PLCH1: variants seen among roughly 807,000 people sequenced by gnomAD.
PLCH1 encodes the protein 1-phosphatidylinositol 4,5-bisphosphate phosphodiesterase eta-1.
A neutral mutation model predicts 126.7 loss-of-function variants in PLCH1; 60 were observed. The observed-to-expected ratio is 0.47, with a 90% confidence interval of 0.38 to 0.59. PLCH1 has a LOEUF of 0.59. Among genes scored for constraint, PLCH1 ranks in the 20% least tolerant of loss-of-function variants. The pLI is 0.00. For synonymous variants in PLCH1, 719 were observed against 734.9 expected (o/e 0.98, Z 0.35); for missense variants, 1,723 against 2,040.0 (o/e 0.84, Z 2.99).
intron 10 of PLCH1, among the ~76,000 whole-genome samples, chr3:155,545,763 T>C (rs1170477631): frequency 2.0e-5 from 3 of 151,624 alleles, no homozygotes; most frequent in Non-Finnish European, 4.4e-5. Context: ...TAATCCAGCA[T>C]ATAAACAGAA....
chr3:155,619,479 A>G (rs1736190486), intron 2 of PLCH1, among the ~76,000 whole-genome samples: 1 of 146,592 alleles, frequency 6.8e-6, no homozygotes, highest in African/African-American at 2.6e-5. Flanking sequence ...ATTCTTTTTC[A>G]AAACAAAAAC....
At chr3:155,539,526 C>G (rs1444523130) in intron 10 of PLCH1, among the ~76,000 whole-genome samples, 1 of 152,090 alleles carries the variant, frequency 6.6e-6, no homozygotes, top group African/African-American at 2.4e-5. Flanking sequence ...ATCCAAAAAG[C>G]TCCTAGATCT....
intron 2 of PLCH1, among the ~76,000 whole-genome samples, chr3:155,680,761 G>A (rs1283524360): frequency 1.3e-5 from 2 of 152,152 alleles, no homozygotes; most frequent in African/African-American, 4.8e-5. Flanking sequence ...CTATATAGAA[G>A]GAAGTATCCT....
intron 2 of PLCH1, among the ~76,000 whole-genome samples, chr3:155,649,467 G>T (rs1740450547): frequency 6.6e-6 from 1 of 152,126 alleles, no homozygotes; most frequent in African/African-American, 2.4e-5. Flanking sequence ...ACCCCAAGTA[G>T]CACCATGCAC....
At chr3:155,668,187 G>A (rs530423340) in intron 2 of PLCH1, among the ~76,000 whole-genome samples, 1 of 151,764 alleles carries the variant, frequency 6.6e-6, no homozygotes, top group South Asian at 2.1e-4. Context: ...TCAACAAGTT[G>A]AGAACTTTCA....
intron 21 of PLCH1, among the ~76,000 whole-genome samples, chr3:155,473,741 G>A (rs1251402165): frequency 1.3e-5 from 2 of 151,194 alleles, no homozygotes; most frequent in Admixed American, 6.6e-5. Context: ...TAGATCAATG[G>A]AACAGAACAG....
chr3:155,623,034 G>A (rs1169383558), intron 2 of PLCH1, among the ~76,000 whole-genome samples: 2 of 152,108 alleles, frequency 1.3e-5, no homozygotes, highest in Non-Finnish European at 1.5e-5. Flanking sequence ...TTCAGCAAAT[G>A]CAAAAGAACA....
At position 155,564,940 on chromosome 3, in the gene PLCH1, C is replaced by T; in HGVS notation, c.1044G>A (p.Leu348=). 1.9e-6 allele frequency: 3 copies of T among 1,613,764 alleles called. No homozygotes were observed. The highest frequency in any genetic ancestry group is 1.1e-5 in the South Asian group (1 of 91,070). Residue 348 remains leucine, a synonymous_variant, in exon 8 of 23, where the codon CTG becomes CTA. Coordinates refer to ENST00000460012, the MANE Select transcript of PLCH1 (RefSeq NM_014996.4). Reference sequence around the variant, plus strand: ...CTTCCACACAGCGACAGCCCTCTTGCAGCACCCGTGCATACATATCCACTT... The same window carrying T: ...CTTCCACACAGCGACAGCCCTCTTGTAGCACCCGTGCATACATATCCACTT... ...QSKVDMYARV[L]QEGCRCVEVD...
chr3:155,469,555 A>G (rs375182887), intron 21 of PLCH1, among the ~76,000 whole-genome samples: 8 of 152,158 alleles, frequency 5.3e-5, no homozygotes, highest in East Asian at 1.9e-4. Context: ...CAGGAAGCTC[A>G]AACTGGGTGG....
chr3:155,599,199 A>G (rs1214127818), intron 2 of PLCH1, among the ~76,000 whole-genome samples: 4 of 152,086 alleles, frequency 2.6e-5, no homozygotes, highest in Non-Finnish European at 4.4e-5. Context: ...TGTTACAGTA[A>G]TTCAAGCTAA....
intron 2 of PLCH1, among the ~76,000 whole-genome samples, chr3:155,604,380 AT>A (rs537066060): frequency 6.1e-4 from 93 of 151,960 alleles, no homozygotes; most frequent in Non-Finnish European, 1.1e-3. Flanking sequence ...GAGTTTGTTA[AT>A]TTTTTTTCAT....
chr3:155,550,543 A>T (rs1202429862), intron 9 of PLCH1, among the ~76,000 whole-genome samples: 2 of 152,206 alleles, frequency 1.3e-5, no homozygotes, highest in Non-Finnish European at 2.9e-5. Context: ...AAAACCAGCC[A>T]AGCATTCATT....
intron 12 of PLCH1, among the ~76,000 whole-genome samples, chr3:155,505,321 T>C (rs556672795): frequency 1.2e-3 from 182 of 152,320 alleles, no homozygotes; most frequent in Non-Finnish European, 2.2e-3. Flanking sequence ...CTGGAGCCTA[T>C]GTCTCATTAG....
intron 2 of PLCH1, among the ~76,000 whole-genome samples, chr3:155,637,701 G>A (rs1188356178): frequency 6.6e-6 from 1 of 152,062 alleles, no homozygotes; most frequent in African/African-American, 2.4e-5. Context: ...TGAAGATTAG[G>A]AAATGACCTT....
intron 10 of PLCH1, among the ~76,000 whole-genome samples, chr3:155,537,212 A>C (rs1405627248): frequency 5.2e-3 from 38 of 7,300 alleles, no homozygotes; most frequent in Non-Finnish European, 7.1e-3. Context: ...CAAAAAAAAA[A>C]AAAAAAAAAA....
At position 155,508,523 on chromosome 3, in the gene PLCH1, C is replaced by T. The variant is rs1396869653; in HGVS notation, c.1633-3897G>A. 6.7e-3 allele frequency among the ~76,000 whole-genome samples: 878 copies of T among 130,862 alleles called. 9 individuals are homozygous for T. The highest frequency in any genetic ancestry group is 0.027 in the African/African-American group (832 of 31,360). The allele number at this position is 130,862 out of a possible 152,430, so 85.9% of individuals were successfully genotyped here. A position where few individuals can be genotyped will look rare whatever the true frequency, so the allele number is the denominator to read the frequency against. On this transcript the variant is annotated intron_variant, in intron 12 of 22. Transcript: ENST00000460012. Reference sequence around the variant, plus strand: ...AGATAGCTCTTATTATTTTGAAATACGTCCCATCAATACCTAATTTATTGA... The same window carrying T: ...AGATAGCTCTTATTATTTTGAAATATGTCCCATCAATACCTAATTTATTGA...
chr3:155,488,778 C>T lies in PLCH1; in HGVS notation c.2421G>A (p.Leu807=), dbSNP rs1174834886. The change falls in exon 20 of 23, where the codon CTG becomes CTA. Residue 807 remains leucine (L), a synonymous_variant. Transcript: ENST00000460012. Reference sequence around the variant, plus strand: ...TTTCTGGCATGTGTACTGTAAATGTCAGTGTTTCTTCCCACACAGGGTTAA... The same window carrying T: ...TTTCTGGCATGTGTACTGTAAATGTTAGTGTTTCTTCCCACACAGGGTTAA... ...NGFNPVWEET[L]TFTVHMPEIA... 3 of 1,613,156 alleles carry T rather than the reference C, an allele frequency of 1.9e-6. No individual in the cohort carries two copies. Among genetic ancestry groups the T allele is most frequent in the Non-Finnish European group, 2.5e-6 (3 of 1,179,674 alleles).
intron 2 of PLCH1, among the ~76,000 whole-genome samples, chr3:155,628,602 C>A (rs1737650389): frequency 6.6e-6 from 1 of 150,782 alleles, no homozygotes; most frequent in African/African-American, 2.4e-5. Flanking sequence ...CTTAAGGCTC[C>A]TGTGTCACAT....
intron 2 of PLCH1, among the ~76,000 whole-genome samples, chr3:155,676,974 T>C (rs1744147328): frequency 6.6e-6 from 1 of 152,202 alleles, no homozygotes; most frequent in Non-Finnish European, 1.5e-5. Flanking sequence ...AAACATTATT[T>C]GCAACTTTAT....
Sources: allele counts gnomAD v4.1 joint callset (sites outside exome capture counted in the v4.1 genomes callset), GRCh38; gene constraint gnomAD v4.1.1; transcripts MANE v1.5; gene names NCBI Gene and HGNC (gene_info 2026-07-23, HGNC 2026-07-21).